MED12L: variants seen among roughly 807,000 people sequenced by gnomAD.
MED12L encodes mediator of RNA polymerase II transcription subunit 12-like protein.
In MED12L, 60 loss-of-function variants were observed where a neutral mutation model predicts 281.3. That is an observed-to-expected ratio of 0.21 (90% CI 0.17 to 0.26). The LOEUF (loss-of-function observed/expected upper bound fraction) is 0.26. MED12L is among the 10% of genes least tolerant of loss of function. MED12L has a pLI of 1.00. For synonymous variants in MED12L, 974 were observed against 987.2 expected (o/e 0.99, Z 0.25); for missense variants, 2,146 against 2,680.9 (o/e 0.80, Z 4.41).
In MED12L at chr3:151,372,714, C is replaced by A. The variant is rs745648893; in HGVS notation, c.3812C>A (p.Thr1271Asn). The part of the protein sequence containing the change: ...KSCGKSISIE[T>N]ANLREYARYV... ...TGTGGGAAAAGCATTTCCATAGAAACTGCCAATTTAAGAGAATACGCTAGA... is the reference window on the plus strand; with the variant it reads ...TGTGGGAAAAGCATTTCCATAGAAAATGCCAATTTAAGAGAATACGCTAGA... Residue 1271 changes from threonine (T) to asparagine (N), a missense_variant, in exon 27 of 45, where the codon ACT becomes AAT. Physicochemically the swap from Thr to Asn is moderately conservative, Grantham distance 65. Transcript: ENST00000687756. 1 of 1,613,886 alleles carries A rather than the reference C, an allele frequency of 6.2e-7. No individual in the cohort carries two copies. The highest frequency in any genetic ancestry group is 1.1e-5 in the South Asian group (1 of 91,086).
chr3:151,116,496 A>G (rs1712832870), intron 3 of MED12L, 54 bp downstream of exon 3: 2 of 1,104,304 alleles, frequency 1.8e-6, no homozygotes, highest in South Asian at 2.7e-5. Flanking sequence ...TATATGTGAC[A>G]CCCTTAATAA....
intron 16 of MED12L, among the ~76,000 whole-genome samples, chr3:151,261,873 C>T (rs778613618): frequency 1.3e-5 from 2 of 151,988 alleles, no homozygotes; most frequent in Non-Finnish European, 2.9e-5. Flanking sequence ...TACAGGCGTT[C>T]GTCACCATGC....
intron 16 of MED12L, chr3:151,300,035 A>G: frequency 6.7e-7 from 1 of 1,486,158 alleles, no homozygotes; most frequent in Non-Finnish European, 9.4e-7. Flanking sequence ...CAATAAAGTA[A>G]GATTTTCTTT....
At chr3:151,174,207 A>C (rs1721775794) in intron 11 of MED12L, among the ~76,000 whole-genome samples, 1 of 152,198 alleles carries the variant, frequency 6.6e-6, no homozygotes, top group Non-Finnish European at 1.5e-5. Flanking sequence ...GGATTTTCAG[A>C]TAGGGATGCT....
chr3:151,183,896 T>A (rs548425473), intron 11 of MED12L, among the ~76,000 whole-genome samples: 13 of 152,364 alleles, frequency 8.5e-5, no homozygotes, highest in African/African-American at 3.1e-4. Context: ...GCAGTATTTT[T>A]AGGGTAACTC....
At chr3:151,325,054 A>G in intron 16 of MED12L, among the ~76,000 whole-genome samples, 1 of 152,216 alleles carries the variant, frequency 6.6e-6, no homozygotes, top group East Asian at 1.9e-4. Flanking sequence ...TTTAGAAAGA[A>G]TACCTTGGAA....
chr3:151,376,904 A>G (rs775728260), intron 29 of MED12L, 30 bp downstream of exon 29: 5 of 1,612,350 alleles, frequency 3.1e-6, no homozygotes, highest in Admixed American at 1.7e-5. Context: ...TTATCTCTGT[A>G]TGAAATTTTA....
chr3:151,105,506 T>G (rs1721902367), intron 2 of MED12L, among the ~76,000 whole-genome samples: 1 of 152,148 alleles, frequency 6.6e-6, no homozygotes, highest in Admixed American at 6.5e-5. Context: ...TGTTGCTCCC[T>G]CCCTTTGGGA....
intron 2 of MED12L, among the ~76,000 whole-genome samples, chr3:151,107,665 T>C (rs866573850): frequency 1.3e-5 from 2 of 152,146 alleles, no homozygotes; most frequent in African/African-American, 4.8e-5. Context: ...AAATGAAAGT[T>C]AAAATACAAA....
At chr3:151,405,362 C>G (rs1046110161) in intron 39 of MED12L, among the ~76,000 whole-genome samples, 1 of 152,176 alleles carries the variant, frequency 6.6e-6, no homozygotes, top group African/African-American at 2.4e-5. Context: ...TTTGCACATA[C>G]AAGTCAGGTA....
chr3:151,350,053 T>A lies in MED12L; in HGVS notation c.2251-6T>A. 6.2e-7 allele frequency: 1 copy of A among 1,607,144 alleles called. No individual in the cohort carries two copies. Among genetic ancestry groups the A allele is most frequent in the Non-Finnish European group, 8.5e-7 (1 of 1,175,562 alleles). On this transcript the variant is annotated splice_region_variant and splice_polypyrimidine_tract_variant and intron_variant, in intron 16 of 44. Coordinates refer to ENST00000687756, the MANE Select transcript of MED12L (RefSeq NM_001393769.1). ...AGAGTTTCAGAATGCATTTTCTGTT[T>A]TTCAGGATGAATCTTCAAGTCATGA... is the stretch of plus-strand genomic sequence containing the variant.
intron 11 of MED12L, among the ~76,000 whole-genome samples, chr3:151,178,518 G>A (rs73155796): frequency 6.2e-4 from 95 of 152,328 alleles, no homozygotes; most frequent in Non-Finnish European, 9.4e-4. Flanking sequence ...TATTGTGTAC[G>A]CTGGAGGGAA....
At chr3:151,297,602 A>G (rs1272140761) in intron 16 of MED12L, among the ~76,000 whole-genome samples, 1 of 152,202 alleles carries the variant, frequency 6.6e-6, no homozygotes, top group Non-Finnish European at 1.5e-5. Flanking sequence ...GCTACAGCAT[A>G]CTTGGCAGGG....
In MED12L at chr3:151,185,457, C is replaced by G. The variant is rs753729787; in HGVS notation, c.1622C>G (p.Ala541Gly). 1 of 1,613,734 alleles carries G rather than the reference C, an allele frequency of 6.2e-7. No individual in the cohort carries two copies. The highest frequency in any genetic ancestry group is 1.7e-5 in the Admixed American group (1 of 59,990). The change falls in exon 12 of 45, where the codon GCA becomes GGA. Residue 541 changes from alanine (A) to glycine (G), a missense_variant. Physicochemically the swap from Ala to Gly is moderately conservative, Grantham distance 60. This residue lies in a region of MED12L where 722 missense variants were observed against 861.2 expected (regional missense o/e 0.84). Transcript: ENST00000687756. ...GAGAAGAGGCAAGCAGAAATTGAGG[C>G]AGAGGTAGGTTCCATTTTCTTTCTG... is the stretch of plus-strand genomic sequence containing the variant. ...LLEKRQAEIE[A>G]ERCGESEVLD...
At chr3:151,276,826 C>T (rs577240496) in intron 16 of MED12L, among the ~76,000 whole-genome samples, 3 of 152,258 alleles carry the variant, frequency 2.0e-5, no homozygotes, top group East Asian at 1.9e-4. Context: ...CCTCTGCACC[C>T]GGCCCACTTC....
intron 8 of MED12L, among the ~76,000 whole-genome samples, chr3:151,161,898 A>G (rs185317114): frequency 1.3e-4 from 20 of 152,336 alleles, no homozygotes; most frequent in Admixed American, 9.8e-4. Context: ...AGTAGTCTTT[A>G]ACAATATAGT....
intron 43 of MED12L, among the ~76,000 whole-genome samples, chr3:151,421,777 T>C (rs1157447743): frequency 2.0e-5 from 3 of 152,162 alleles, no homozygotes; most frequent in Non-Finnish European, 4.4e-5. Flanking sequence ...CTAAGATGCA[T>C]TGTATGTATT....
chr3:151,432,826 G>A lies in MED12L; in HGVS notation c.*22G>A. The A allele has an allele frequency of 6.3e-7, 1 of 1,597,866 alleles. No homozygotes were observed. The highest frequency in any genetic ancestry group is 1.1e-5 in the South Asian group (1 of 89,278). ...CTGAATCTGCAAGAGGAGAAGACAT[G>A]ACGTTTTATGTTTGCACTGAAAAAC... On this transcript the variant is annotated 3_prime_UTR_variant, in exon 45 of 45. Coordinates refer to ENST00000687756, the MANE Select transcript of MED12L (RefSeq NM_001393769.1).
chr3:151,184,146 G>C (rs188312092), intron 11 of MED12L, among the ~76,000 whole-genome samples: 37 of 152,240 alleles, frequency 2.4e-4, no homozygotes, highest in Admixed American at 2.0e-3. Flanking sequence ...TCTTTGGTTT[G>C]AGTAACCATG....
Sources: allele counts gnomAD v4.1 joint callset (sites outside exome capture counted in the v4.1 genomes callset), GRCh38; gene constraint gnomAD v4.1.1; regional missense constraint gnomAD v4.1.1; transcripts MANE v1.5; gene names NCBI Gene and HGNC (gene_info 2026-07-23, HGNC 2026-07-21).